ATG16L1: variants seen among roughly 807,000 people sequenced by gnomAD.
ATG16L1 encodes the protein autophagy related 16 like 1, also known as autophagy-related protein 16-1.
In ATG16L1, 37 loss-of-function variants were observed where a neutral mutation model predicts 88.5. The observed-to-expected ratio is 0.42, with a 90% confidence interval of 0.32 to 0.55. The LOEUF (loss-of-function observed/expected upper bound fraction) is 0.55. ATG16L1 is among the 20% of genes least tolerant of loss of function. The probability of loss-of-function intolerance (pLI) is 0.13; values close to 1 mark genes in which losing one functional copy is unlikely to be tolerated. For missense variants in ATG16L1, 554 were observed against 752.8 expected (o/e 0.74, Z 3.09); for synonymous variants, 301 against 281.0 (o/e 1.07, Z -0.71).
chr2:233,268,661 G>A (rs1382761218), intron 5 of ATG16L1, among the ~76,000 whole-genome samples: 1 of 152,138 alleles, frequency 6.6e-6, no homozygotes, highest in African/African-American at 2.4e-5. Context: ...CCGAGATTCT[G>A]GTTTTTCCTC....
Position 233,264,064 on chromosome 2 carries a change from A to G in ATG16L1, c.388A>G (p.Lys130Glu). 3 of 1,613,976 alleles carry G rather than the reference A, an allele frequency of 1.9e-6. No individual in the cohort carries two copies. The highest frequency in any genetic ancestry group is 2.2e-5 in the South Asian group (2 of 91,084). Residue 130 changes from lysine to glutamate, a missense_variant and splice_region_variant, in exon 4 of 18, where the codon AAA becomes GAA. Coordinates refer to ENST00000392017, the MANE Select transcript of ATG16L1 (RefSeq NM_030803.7). ...KDREMQMNEA[K>E]IAECLQTISD... ...CAGGGAGATGCAGATGAATGAAGCA[A>G]AGTGAGTAGAGACCCCGCCTCCTTG...
intron 9 of ATG16L1, chr2:233,275,840 G>A: frequency 1.9e-6 from 1 of 519,186 alleles, no homozygotes. Flanking sequence ...TCATGTGTAT[G>A]GGATCATGGA....
At chr2:233,288,473 G>A (rs1699229445) in intron 12 of ATG16L1, among the ~76,000 whole-genome samples, 1 of 151,860 alleles carries the variant, frequency 6.6e-6, no homozygotes, top group African/African-American at 2.4e-5. Flanking sequence ...TAGAGATGAG[G>A]GTCTCACTAA....
In ATG16L1 at chr2:233,251,860, C is replaced by T; in HGVS notation, c.33C>T (p.Pro11=). The change falls in exon 1 of 18, where the codon CCC becomes CCT. Residue 11 remains proline, a synonymous_variant. Transcript: ENST00000392017. MSSGLRAADF[P]RWKRHISEQL... is the part of the protein sequence containing the mutation. Reference sequence around the variant, plus strand: ...CGGGCCTCCGCGCCGCTGACTTCCCCCGCTGGAAGCGCCACATCTCGGAGC... The same window carrying T: ...CGGGCCTCCGCGCCGCTGACTTCCCTCGCTGGAAGCGCCACATCTCGGAGC... 2.6e-6 allele frequency: 4 copies of T among 1,550,372 alleles called. No individual in the cohort carries two copies. The highest frequency in any genetic ancestry group is 2.7e-5 in the African/African-American group (2 of 73,154).
intron 5 of ATG16L1, among the ~76,000 whole-genome samples, chr2:233,268,964 T>C (rs2125237247): frequency 6.6e-6 from 1 of 152,282 alleles, no homozygotes; most frequent in East Asian, 1.9e-4. Flanking sequence ...GTCCTCCACC[T>C]AGCAGGCATA....
intron 1 of ATG16L1, among the ~76,000 whole-genome samples, chr2:233,255,590 A>C (rs1242087220): frequency 6.6e-6 from 1 of 152,188 alleles, no homozygotes; most frequent in Non-Finnish European, 1.5e-5. Flanking sequence ...ATTTCCAGCC[A>C]CTTACCAAAA....
At chr2:233,266,775 C>T (rs766402704) in intron 5 of ATG16L1, among the ~76,000 whole-genome samples, 22 of 152,226 alleles carry the variant, frequency 1.4e-4, no homozygotes, top group Non-Finnish European at 2.9e-5. Flanking sequence ...GCTGTACACA[C>T]ACACAATGGA....
chr2:233,251,683 G>C lies in ATG16L1; in HGVS notation c.-145G>C. 2 of 687,112 alleles carry C rather than the reference G, an allele frequency of 2.9e-6. No individual in the cohort carries two copies. Among genetic ancestry groups the C allele is most frequent in the South Asian group, 3.4e-5 (2 of 59,556 alleles). The allele number at this position is 687,112 out of a possible 1,614,324, so 42.6% of individuals were successfully genotyped here. On this transcript the variant is annotated 5_prime_UTR_variant, in exon 1 of 18. Coordinates refer to ENST00000392017, the MANE Select transcript of ATG16L1 (RefSeq NM_030803.7). ...CCGGCATGAGCCGGAAGACCGTCCC[G>C]GATGGCCTCGGGGACTGCCAGTGTG...
chr2:233,261,288 T>C (rs1047025072), intron 2 of ATG16L1, among the ~76,000 whole-genome samples: 1 of 152,172 alleles, frequency 6.6e-6, no homozygotes, highest in Non-Finnish European at 1.5e-5. Context: ...ATCTGTTCTA[T>C]AGCTAGCCAG....
In ATG16L1 at chr2:233,295,044, A is replaced by T. The variant is rs1699715975; in HGVS notation, c.*694A>T. 2 of 152,438 alleles carry T rather than the reference A, an allele frequency of 1.3e-5. No homozygotes were observed. Among genetic ancestry groups the T allele is most frequent in the South Asian group, 4.1e-4 (2 of 4,824 alleles). The allele number at this position is 152,438 out of a possible 1,614,324, so 9.4% of individuals were successfully genotyped here. On this transcript the variant is annotated 3_prime_UTR_variant, in exon 18 of 18. Transcript: ENST00000392017. ...GATGTGTGAAAATCTTTTCCAGGGAAATGGGTTCGCTGCAGAGGTAAGGAT... is the reference window on the plus strand; with the variant it reads ...GATGTGTGAAAATCTTTTCCAGGGATATGGGTTCGCTGCAGAGGTAAGGAT...
At chr2:233,288,797 C>G (rs771116876) in intron 12 of ATG16L1, 1 of 519,222 alleles carries the variant, frequency 1.9e-6, no homozygotes, top group Non-Finnish European at 3.8e-6. Flanking sequence ...GGGCAGCTGA[C>G]ACTCCGTGAT....
At chr2:233,293,429 C>T (rs568417202) in intron 17 of ATG16L1, 72 bp downstream of exon 17, 416 of 1,377,716 alleles carry the variant, frequency 3.0e-4, no homozygotes, top group Middle Eastern at 2.4e-4. Context: ...AGGGGTCATC[C>T]GGTTTAGACC....
chr2:233,274,827 A>T, intron 9 of ATG16L1, 49 bp downstream of exon 9: 1 of 1,394,150 alleles, frequency 7.2e-7, no homozygotes, highest in Non-Finnish European at 1.0e-6. Flanking sequence ...ATGGTGACAG[A>T]GCCTGGCAAT....
At chr2:233,284,016 T>A (rs1383471616) in intron 12 of ATG16L1, among the ~76,000 whole-genome samples, 1 of 150,424 alleles carries the variant, frequency 6.6e-6, no homozygotes, top group Non-Finnish European at 1.5e-5. Flanking sequence ...AGCTAATTTT[T>A]GTATTTTTTT....
Position 233,273,740 on chromosome 2 carries a change from G to A in ATG16L1, c.814G>A (p.Ala272Thr), listed in dbSNP as rs1459879903. 1 of 1,614,198 alleles carries A rather than the reference G, an allele frequency of 6.2e-7. No homozygotes were observed. Among genetic ancestry groups the A allele is most frequent in the East Asian group, 2.2e-5 (1 of 44,894 alleles). The change falls in exon 8 of 18, where the codon GCT becomes ACT. Residue 272 changes from alanine to threonine, a missense_variant. Physicochemically the swap from Ala to Thr is moderately conservative, Grantham distance 58. This residue lies in a region of ATG16L1 where 370 missense variants were observed against 509.7 expected (regional missense o/e 0.73). Transcript: ENST00000392017. The stretch of plus-strand genomic sequence containing the variant: ...CTTTAGTAAGCGACTCTCGCAGCCT[G>A]CTGGAGGCCTTCTGGATTCTATCAC... ...RAATKRLSQP[A>T]GGLLDSITNI...
chr2:233,252,264 AATG>A (rs1401928002), intron 1 of ATG16L1, among the ~76,000 whole-genome samples: 1 of 152,242 alleles, frequency 6.6e-6, no homozygotes, highest in Non-Finnish European at 1.5e-5. Flanking sequence ...GGGTCATGTT[AATG>A]AAACGGTCGT....
chr2:233,288,168 C>T (rs1368962980), intron 12 of ATG16L1, among the ~76,000 whole-genome samples: 2 of 152,128 alleles, frequency 1.3e-5, no homozygotes, highest in Non-Finnish European at 2.9e-5. Context: ...AAGCTTCCCT[C>T]ATTGAAGCTG....
intron 12 of ATG16L1, among the ~76,000 whole-genome samples, chr2:233,283,595 G>T (rs576667139): frequency 8.7e-5 from 13 of 149,468 alleles, no homozygotes. Flanking sequence ...TTTTGCTCTT[G>T]TGTGGGGTAC....
chr2:233,274,580 G>A (rs1203173449), intron 8 of ATG16L1, 96 bp from the exon 9 acceptor site: 13 of 870,282 alleles, frequency 1.5e-5, no homozygotes, highest in Non-Finnish European at 2.3e-5. Flanking sequence ...GAGGCAGTCT[G>A]CTTAAGCAAG....
Sources: gnomAD v4.1 joint callset for allele counts (sites outside exome capture counted in the v4.1 genomes callset) on GRCh38, gnomAD v4.1.1 for gene constraint, gnomAD v4.1.1 regional missense constraint, MANE v1.5 for transcripts, NCBI Gene and HGNC (gene_info 2026-07-23, HGNC 2026-07-21) for gene names.